CCNA2: variants seen among roughly 807,000 people sequenced by gnomAD.
CCNA2 encodes the protein cyclin A2, also known as cyclin-A2.
A neutral mutation model predicts 49.4 loss-of-function variants in CCNA2; 3 were observed. The ratio of observed to expected loss-of-function variants is 0.06; its 90% CI spans 0.03 to 0.16. The LOEUF is 0.16. Ranked by LOEUF, CCNA2 falls within the 10% of genes least tolerant of loss-of-function variation. The pLI is 1.00. For synonymous variants in CCNA2, 206 were observed against 197.2 expected, an observed-to-expected ratio of 1.04 and a Z score of -0.37; for missense variants, 372 against 519.7, an observed-to-expected ratio of 0.72 and a Z score of 2.76.
Position 121,821,108 on chromosome 4 carries a change from G to C in CCNA2, c.458-17C>G. 1 of 1,598,828 alleles carries C rather than the reference G, an allele frequency of 6.3e-7. No homozygotes were observed. Among genetic ancestry groups the C allele is most frequent in the Non-Finnish European group, 8.5e-7 (1 of 1,173,390 alleles). ...GTGGTGACTCTGGGACAATTCAAAA[G>C]ATATGATTAAATTAATTGTTTGCCT... On this transcript the variant is annotated splice_polypyrimidine_tract_variant and intron_variant, in intron 2 of 7. Coordinates refer to ENST00000274026, the MANE Select transcript of CCNA2 (RefSeq NM_001237.5).
At chr4:121,819,003 A>G (rs1724621595) in intron 5 of CCNA2, 90 bp from the exon 6 acceptor site, 3 of 782,334 alleles carry the variant, frequency 3.8e-6, no homozygotes, top group Admixed American at 4.2e-5. Context: ...CCTGCCTTTG[A>G]TAACGGCTCT....
chr4:121,822,614 A>G lies in CCNA2; in HGVS notation c.246T>C (p.Asp82=). The change falls in exon 2 of 8, where the codon GAT becomes GAC. Residue 82 remains aspartate, a synonymous_variant. Coordinates refer to ENST00000274026, the MANE Select transcript of CCNA2 (RefSeq NM_001237.5). ...VAPLKDLPVN[D]EHVTVPPWKA... is the part of the protein sequence containing the mutation. The stretch of plus-strand genomic sequence containing the variant: ...TCCAAGGAGGAACGGTGACATGCTC[A>G]TCATTTACAGGAAGATCCTTAAGGG... The G allele has an allele frequency of 6.2e-7, 1 of 1,614,104 alleles. No individual in the cohort carries two copies. Among genetic ancestry groups the G allele is most frequent in the Non-Finnish European group, 8.5e-7 (1 of 1,180,014 alleles).
chr4:121,817,591 T>G lies in CCNA2; in HGVS notation c.*47A>C. On this transcript the variant is annotated 3_prime_UTR_variant, in exon 8 of 8. Transcript: ENST00000274026. ...CCTAAGTTAAAAACTGTACACCATA[T>G]ACTTTGAGTGATTTACATCTTAGAA... 6.2e-7 allele frequency: 1 copy of G among 1,611,576 alleles called. No individual in the cohort carries two copies.
intron 5 of CCNA2, among the ~76,000 whole-genome samples, 193 bp downstream of exon 5, chr4:121,819,179 A>G (rs1724629428): frequency 6.6e-6 from 1 of 152,178 alleles, no homozygotes; most frequent in South Asian, 2.1e-4. Flanking sequence ...CTCTGCTTCT[A>G]GTGCTTTCCT....
At chr4:121,817,931 A>G in intron 7 of CCNA2, 113 bp downstream of exon 7, 1 of 1,162,226 alleles carries the variant, frequency 8.6e-7, no homozygotes, top group Non-Finnish European at 1.2e-6. Context: ...TAACCAATTT[A>G]GAGAACAGCT....
Position 121,820,973 on chromosome 4 carries a change from C to A in CCNA2, c.570+6G>T, listed in dbSNP as rs1724678281. The A allele has an allele frequency of 6.2e-7, 1 of 1,605,050 alleles. No homozygotes were observed. Among genetic ancestry groups the A allele is most frequent in the African/African-American group, 1.3e-5 (1 of 74,850 alleles). On this transcript the variant is annotated splice_donor_region_variant and intron_variant, in intron 3 of 7. Transcript: ENST00000274026. The surrounding 1 kb of genome is among the most constrained non-coding windows in gnomAD (Gnocchi z 4.1). Reference sequence around the variant, plus strand: ...ATTATACAAACTGGATTCAGAGAACCTTTACCTCCATTTCCCTAAGGTATG... The same window carrying A: ...ATTATACAAACTGGATTCAGAGAACATTTACCTCCATTTCCCTAAGGTATG...
In CCNA2 at chr4:121,823,472, G is replaced by A; in HGVS notation, c.157C>T (p.Leu53=). 1 of 1,613,534 alleles carries A rather than the reference G, an allele frequency of 6.2e-7. No homozygotes were observed. Residue 53 remains leucine (L), a synonymous_variant, in exon 1 of 8, where the codon CTG becomes TTG. Coordinates refer to ENST00000274026, the MANE Select transcript of CCNA2 (RefSeq NM_001237.5). ...AGACCCCGCGGGTTCCCGGACTTCA[G>A]TACCGCCAGCGCGGCCCGGGTCCGC... is the stretch of plus-strand genomic sequence containing the variant. ...QPRTRAALAV[L]KSGNPRGLAQ...
intron 2 of CCNA2, 46 bp downstream of exon 2, chr4:121,822,357 T>C (rs1724708265): frequency 7.7e-6 from 12 of 1,567,096 alleles, no homozygotes; most frequent in Non-Finnish European, 7.9e-6. Flanking sequence ...TATCATCTAA[T>C]AATTATAATT....
intron 6 of CCNA2, among the ~76,000 whole-genome samples, chr4:121,818,501 A>G (rs1387502796): frequency 1.3e-5 from 2 of 151,984 alleles, no homozygotes; most frequent in Non-Finnish European, 2.9e-5. Flanking sequence ...TGGTTCCAGG[A>G]CCCTTCCCAA....
chr4:121,819,228 A>G, intron 5 of CCNA2, 144 bp downstream of exon 5: 1 of 652,250 alleles, frequency 1.5e-6, no homozygotes, highest in Non-Finnish European at 2.6e-6. Flanking sequence ...GCTTTCTTCC[A>G]TACTGCAGCA....
At chr4:121,821,837 G>C (rs1034742553) in intron 2 of CCNA2, among the ~76,000 whole-genome samples, 9 of 152,082 alleles carry the variant, frequency 5.9e-5, no homozygotes, top group African/African-American at 1.9e-4. Flanking sequence ...AATATCCCTA[G>C]GGCAAAGAAA....
rs1283632097 is a variant in CCNA2, at chr4:121,822,559, T to C, written c.301A>G (p.Ile101Val). The C allele has an allele frequency of 1.2e-6, 2 of 1,614,182 alleles. No individual in the cohort carries two copies. The highest frequency in any genetic ancestry group is 3.3e-5 in the Admixed American group (2 of 60,026). The change falls in exon 2 of 8, where the codon ATT becomes GTT. Residue 101 changes from isoleucine (I) to valine (V), a missense_variant. Physicochemically the swap from Ile to Val is conservative, Grantham distance 29 (BLOSUM62 3). This residue lies in a region of CCNA2 where 217 missense variants were observed against 231.7 expected (regional missense o/e 0.94). Transcript: ENST00000274026. The part of the protein sequence containing the change: ...KANSKQPAFT[I>V]HVDEAEKEAQ... ...TCTTTTTCTGCTTCATCCACATGAATGGTGAACGCAGGCTGTTTACTGTTT... is the reference window on the plus strand; with the variant it reads ...TCTTTTTCTGCTTCATCCACATGAACGGTGAACGCAGGCTGTTTACTGTTT...
chr4:121,823,385 AC>A, intron 1 of CCNA2, 30 bp downstream of exon 1: 1 of 1,584,598 alleles, frequency 6.3e-7, no homozygotes. Flanking sequence ...TGCTCGACCC[AC>A]CCTCCTGCAG....
intron 5 of CCNA2, 29 bp downstream of exon 5, chr4:121,819,343 A>G (rs1328788109): frequency 5.8e-6 from 9 of 1,544,346 alleles, no homozygotes; most frequent in Non-Finnish European, 7.2e-6. Flanking sequence ...CCAAAGAATC[A>G]CCATTCAACA....
chr4:121,822,752 C>T, intron 1 of CCNA2, 106 bp from the exon 2 acceptor site: 1 of 1,149,656 alleles, frequency 8.7e-7, no homozygotes, highest in Non-Finnish European at 1.2e-6. Context: ...AGGAATTAAA[C>T]TTTCTGGGAC....
In CCNA2 at chr4:121,820,322, T is replaced by A. The variant is rs1471417930; in HGVS notation, c.794+220A>T. Among the ~76,000 whole-genome samples, 1 of 152,176 alleles carries A rather than the reference T, an allele frequency of 6.6e-6. No individual in the cohort carries two copies. The highest frequency in any genetic ancestry group is 1.5e-5 in the Non-Finnish European group (1 of 68,028). ...AAATGTTTTAAAATTTGTAACCTAG[T>A]GTACTATATCATGTTCAAGGAATCC... On this transcript the variant is annotated intron_variant, in intron 4 of 7. Coordinates refer to ENST00000274026, the MANE Select transcript of CCNA2 (RefSeq NM_001237.5). The surrounding 1 kb of genome is among the most constrained non-coding windows in gnomAD (Gnocchi z 4.1).
intron 7 of CCNA2, 54 bp from the exon 8 acceptor site, chr4:121,817,740 G>A: frequency 6.2e-7 from 1 of 1,604,970 alleles, no homozygotes. Flanking sequence ...GGGTAAAGGA[G>A]ATCATGGAAT....
At position 121,819,395 on chromosome 4, in the gene CCNA2, A is replaced by G. The variant is rs1724633987; in HGVS notation, c.979T>C (p.Cys327Arg). 1.2e-6 allele frequency: 2 copies of G among 1,613,918 alleles called. No homozygotes were observed. The highest frequency in any genetic ancestry group is 4.5e-5 in the East Asian group (2 of 44,848). The change falls in exon 5 of 8, where the codon TGC becomes CGC. Residue 327 changes from cysteine (C) to arginine (R), a missense_variant. Physicochemically the swap from Cys to Arg is radical, Grantham distance 180. Around this residue, in one of 2 missense-constraint regions of CCNA2, gnomAD observed 155 missense variants for 288.1 expected, o/e 0.54. Transcript: ENST00000274026. ...ACCATTGCTAAACTTTCAACTTTGC[A>G]GTTTGCAGGCTGCTGATGCAGAAAG... Reference protein sequence around the residue: ...QYFLHQQPANCKVESLAMFLG... With the variant: ...QYFLHQQPANRKVESLAMFLG...
chr4:121,817,380 A>C lies in CCNA2; in HGVS notation c.*258T>G, dbSNP rs1224784590. The stretch of plus-strand genomic sequence containing the variant: ...TAAATTTGACTTGCAAAGTTTTCCA[A>C]ATCAATTTATTATCCTGACAGCTGG... On this transcript the variant is annotated 3_prime_UTR_variant, in exon 8 of 8. Transcript: ENST00000274026. 2.8e-6 allele frequency: 1 copy of C among 354,068 alleles called. No individual in the cohort carries two copies. The highest frequency in any genetic ancestry group is 5.0e-6 in the Non-Finnish European group (1 of 199,246). 21.9% of individuals were successfully genotyped at this position (354,068 alleles called of 1,614,324 possible).
Sources: allele counts gnomAD v4.1 joint callset (sites outside exome capture counted in the v4.1 genomes callset), GRCh38; gene constraint gnomAD v4.1.1; regional missense constraint gnomAD v4.1.1; non-coding constraint Gnocchi (gnomAD v3.1); transcripts MANE v1.5; gene names NCBI Gene and HGNC (gene_info 2026-07-23, HGNC 2026-07-21).